The following UGT1A4 variants were observed in gnomAD, a reference collection of about 807,000 sequenced individuals.
UGT1A4 encodes the protein UDP glucuronosyltransferase family 1 member A4.
Under a neutral mutation model 41.1 loss-of-function variants are expected in UGT1A4, and 32 were observed. That is an observed-to-expected ratio of 0.78 (90% CI 0.59 to 1.05). UGT1A4 has a LOEUF of 1.05. Among genes scored for constraint, UGT1A4 ranks in the 50% least tolerant of loss-of-function variants. The probability of loss-of-function intolerance (pLI) is 0.00; values close to 1 mark genes in which losing one functional copy is unlikely to be tolerated. For missense variants in UGT1A4, 748 were observed against 677.4 expected, an observed-to-expected ratio of 1.10 and a Z score of -1.16; for synonymous variants, 283 against 265.1, an observed-to-expected ratio of 1.07 and a Z score of -0.66.
chr2:233,726,932 C>A (rs1467688667), intron 1 of UGT1A4, among the ~76,000 whole-genome samples: 1 of 151,974 alleles, frequency 6.6e-6, no homozygotes, highest in East Asian at 1.9e-4. Flanking sequence ...TTCCTTTTTT[C>A]ATTTTTAAAA....
intron 1 of UGT1A4, among the ~76,000 whole-genome samples, chr2:233,751,474 G>T (rs1469099593): frequency 6.6e-6 from 1 of 152,210 alleles, no homozygotes; most frequent in South Asian, 2.1e-4. Context: ...GATTGGTTTT[G>T]AAATGTGAAA....
intron 1 of UGT1A4, among the ~76,000 whole-genome samples, chr2:233,728,932 CTTTT>C (rs1221733039): frequency 0.032 from 4,912 of 152,202 alleles, 256 homozygotes; most frequent in African/African-American, 0.11. Context: ...CATGATCGGT[CTTTT>C]CCAGGGTGGG....
chr2:233,772,111 T>C (rs1459691465), intron 4 of UGT1A4, 151 bp from the exon 5 acceptor site: 1 of 1,527,060 alleles, frequency 6.5e-7, no homozygotes, highest in East Asian at 2.5e-5. Context: ...AGACTCTGTA[T>C]CTAAAAACAA....
chr2:233,748,845 C>T (rs936990961), intron 1 of UGT1A4, among the ~76,000 whole-genome samples: 6 of 151,120 alleles, frequency 4.0e-5, no homozygotes, highest in East Asian at 1.9e-4. Context: ...AAACTGTGAG[C>T]GTATAAGCCC....
chr2:233,719,395 C>A lies in UGT1A4; in HGVS notation c.575C>A (p.Ser192Tyr), dbSNP rs770164749. Reference sequence around the variant, plus strand: ...GGCACACAGTGTCCAAATCCTTCCTCCTATATTCCTAAGTTACTAACGACC... The same window carrying A: ...GGCACACAGTGTCCAAATCCTTCCTACTATATTCCTAAGTTACTAACGACC... ...FKGTQCPNPS[S>Y]YIPKLLTTNS... The change falls in exon 1 of 5, where the codon TCC becomes TAC. Residue 192 changes from serine to tyrosine, a missense_variant. Transcript: ENST00000373409. 64 of 1,613,854 alleles carry A rather than the reference C, an allele frequency of 4.0e-5. No individual in the cohort carries two copies. The highest frequency in any genetic ancestry group is 5.2e-5 in the Non-Finnish European group (61 of 1,179,880).
At chr2:233,724,456 G>A (rs1266099425) in intron 1 of UGT1A4, among the ~76,000 whole-genome samples, 5 of 126,746 alleles carry the variant, frequency 3.9e-5, no homozygotes, top group Admixed American at 7.7e-5. Flanking sequence ...GGCAGCTGCC[G>A]GGCGGAGGGG....
intron 1 of UGT1A4, among the ~76,000 whole-genome samples, chr2:233,725,759 T>G (rs1335520276): frequency 6.6e-6 from 1 of 152,194 alleles, no homozygotes; most frequent in Non-Finnish European, 1.5e-5. Context: ...GACTTACATT[T>G]TCTTCACATA....
At chr2:233,747,242 T>G in intron 1 of UGT1A4, 1 of 1,603,440 alleles carries the variant, frequency 6.2e-7, no homozygotes. Context: ...GTTCCCCTGC[T>G]GTGGCTGGCC....
chr2:233,747,015 G>A lies in UGT1A4; in HGVS notation c.868-20019G>A, dbSNP rs911515983. 7.2e-5 allele frequency among the ~76,000 whole-genome samples: 11 copies of A among 151,822 alleles called. 1 individual carries two copies. The highest frequency in any genetic ancestry group is 2.2e-4 in the African/African-American group (9 of 41,118). Reference sequence around the variant, plus strand: ...ATGAGTTTTTCAAGTAGGAGTGATCGGTCTTTCCCGAAGTGGGACCCATAA... The same window carrying A: ...ATGAGTTTTTCAAGTAGGAGTGATCAGTCTTTCCCGAAGTGGGACCCATAA... On this transcript the variant is annotated intron_variant, in intron 1 of 4. Coordinates refer to ENST00000373409, the MANE Select transcript of UGT1A4 (RefSeq NM_007120.3).
At chr2:233,729,021 C>T (rs575781595) in intron 1 of UGT1A4, 130 of 1,593,082 alleles carry the variant, frequency 8.2e-5, no homozygotes, top group Non-Finnish European at 1.0e-4. Context: ...TCCAATTACA[C>T]GTTGATTTGC....
intron 1 of UGT1A4, among the ~76,000 whole-genome samples, chr2:233,738,562 T>C (rs1039423006): frequency 6.6e-6 from 1 of 152,186 alleles, no homozygotes; most frequent in African/African-American, 2.4e-5. Context: ...AGATGAGGAA[T>C]CTGTTGAGAA....
At chr2:233,765,423 G>T (rs181881481) in intron 1 of UGT1A4, among the ~76,000 whole-genome samples, 1 of 152,168 alleles carries the variant, frequency 6.6e-6, no homozygotes, top group South Asian at 2.1e-4. Context: ...ATACTATGCA[G>T]CCATAACAAG....
intron 1 of UGT1A4, among the ~76,000 whole-genome samples, chr2:233,734,753 G>A (rs1356285127): frequency 1.3e-5 from 2 of 152,142 alleles, no homozygotes; most frequent in Non-Finnish European, 2.9e-5. Flanking sequence ...CTTTATTTCT[G>A]CCTTCACTTC....
intron 1 of UGT1A4, among the ~76,000 whole-genome samples, chr2:233,735,251 C>T (rs915442177): frequency 3.3e-5 from 5 of 152,018 alleles, no homozygotes; most frequent in Admixed American, 6.6e-5. Context: ...TTGAATTGCT[C>T]CCTTTACCAT....
rs1399305779 is a variant in UGT1A4, at chr2:233,769,284, T to C, written c.1307+845T>C. 6.6e-6 allele frequency among the ~76,000 whole-genome samples: 1 copy of C among 152,226 alleles called. No individual in the cohort carries two copies. The highest frequency in any genetic ancestry group is 1.5e-5 in the Non-Finnish European group (1 of 68,038). ...AACGATTCAAAGGGCAAATGATTTC[T>C]GGATTAAAGTTAGTATATTACTGTC... On this transcript the variant is annotated intron_variant, in intron 4 of 4. Coordinates refer to ENST00000373409, the MANE Select transcript of UGT1A4 (RefSeq NM_007120.3). The surrounding 1 kb of genome is among the most constrained non-coding windows in gnomAD (Gnocchi z 4.4).
chr2:233,747,450 T>A, intron 1 of UGT1A4: 1 of 1,609,050 alleles, frequency 6.2e-7, no homozygotes, highest in Non-Finnish European at 8.5e-7. Flanking sequence ...CCTGACAACC[T>A]ATGCCATTTC....
rs775726544 is a variant in UGT1A4 at position 233,718,892 on chromosome 2, C to T, written c.72C>T (p.Pro24=). The T allele has an allele frequency of 6.2e-7, 1 of 1,614,020 alleles. No individual in the cohort carries two copies. Among genetic ancestry groups the T allele is most frequent in the South Asian group, 1.1e-5 (1 of 91,060 alleles). The change falls in exon 1 of 5, where the codon CCC becomes CCT. Residue 24 remains proline, a synonymous_variant. Transcript: ENST00000373409. ...TGLLLLLSVQ[P]WAESGKVLVV... ...TGCTGCTCCTCCTCAGTGTCCAGCC[C>T]TGGGCTGAGAGTGGAAAGGTGTTGG...
In UGT1A4 at chr2:233,769,631, G is replaced by A. The variant is rs1359038576; in HGVS notation, c.1307+1192G>A. 4 of 1,611,522 alleles carry A rather than the reference G, an allele frequency of 2.5e-6. No individual in the cohort carries two copies. Among genetic ancestry groups the A allele is most frequent in the African/African-American group, 1.3e-5 (1 of 74,932 alleles). ...ACACCAGCTTGAGCAAGGGACAACA[G>A]GGGAGGACTGATGACTGACTTCCCA... is the stretch of plus-strand genomic sequence containing the variant. On this transcript the variant is annotated intron_variant, in intron 4 of 4. Transcript: ENST00000373409. The surrounding 1 kb of genome is among the most constrained non-coding windows in gnomAD (Gnocchi z 4.4).
At position 233,760,380 on chromosome 2, in the gene UGT1A4, G is replaced by C. The variant is rs768058050; in HGVS notation, c.868-6654G>C. 4.3e-6 allele frequency: 7 copies of C among 1,614,074 alleles called. No individual in the cohort carries two copies. The East Asian group carries it at 1.6e-4, about 36-fold the overall frequency. ...TGGTGTCCCATGCTGGGAAGATACT[G>C]TTGATCCCAGTGGATGGCAGCCACT... On this transcript the variant is annotated intron_variant, in intron 1 of 4. Transcript: ENST00000373409.
Sources: gnomAD v4.1 joint callset for allele counts (sites outside exome capture counted in the v4.1 genomes callset) on GRCh38, gnomAD v4.1.1 for gene constraint, Gnocchi (gnomAD v3.1) non-coding constraint, MANE v1.5 for transcripts, NCBI Gene and HGNC (gene_info 2026-07-23, HGNC 2026-07-21) for gene names.